FAM193A: variants seen among roughly 807,000 people sequenced by gnomAD.
FAM193A encodes family with sequence similarity 193 member A.
A neutral mutation model predicts 126.5 loss-of-function variants in FAM193A; 22 were observed. That is an observed-to-expected ratio of 0.17 (90% confidence interval 0.12 to 0.25). The LOEUF (loss-of-function observed/expected upper bound fraction) is 0.25, where lower values mean the gene tolerates loss of function less well. Ranked by LOEUF, FAM193A falls within the 10% of genes least tolerant of loss-of-function variation. FAM193A has a pLI of 1.00. For missense variants in FAM193A, 1,675 were observed against 1,672.8 expected, an observed-to-expected ratio of 1.00 and a Z score of -0.02; for synonymous variants, 761 against 646.8, an observed-to-expected ratio of 1.18 and a Z score of -2.68.
intron 4 of FAM193A, among the ~76,000 whole-genome samples, chr4:2,628,909 G>A (rs1157899719): frequency 2.3e-4 from 35 of 150,114 alleles, no homozygotes; most frequent in Admixed American, 2.3e-3. Context: ...GTGGAGTGCA[G>A]TGGCGCAGTC....
At chr4:2,714,731 TACCATGGA>T (rs1719359171) in intron 19 of FAM193A, among the ~76,000 whole-genome samples, 1 of 152,192 alleles carries the variant, frequency 6.6e-6, no homozygotes, top group African/African-American at 2.4e-5. Flanking sequence ...TGCCTCATGC[TACCATGGA>T]AATTCCCCAG....
chr4:2,558,442 C>T (rs555100485), intron 1 of FAM193A, among the ~76,000 whole-genome samples: 3 of 152,128 alleles, frequency 2.0e-5, no homozygotes, highest in Non-Finnish European at 2.9e-5. Context: ...AGTGCAATTC[C>T]GCCGTCATAG....
chr4:2,639,711 T>C (rs764989559), intron 5 of FAM193A, 24 bp from the exon 6 acceptor site: 2 of 1,599,510 alleles, frequency 1.3e-6, no homozygotes, highest in Non-Finnish European at 1.7e-6. Context: ...ATCTTCTGTT[T>C]ATCTTTTACT....
intron 7 of FAM193A, 79 bp from the exon 8 acceptor site, chr4:2,657,724 C>G: frequency 2.3e-6 from 2 of 860,598 alleles, no homozygotes. Flanking sequence ...AAGAAAGTCT[C>G]CTCTTGAAAA....
chr4:2,538,780 A>G (rs562839229), intron 1 of FAM193A, among the ~76,000 whole-genome samples: 65 of 152,342 alleles, frequency 4.3e-4, no homozygotes, highest in African/African-American at 1.5e-3. Flanking sequence ...TGATTCAATA[A>G]AAACCAGTTG....
chr4:2,638,291 C>G (rs1024709405), intron 5 of FAM193A, among the ~76,000 whole-genome samples: 1 of 152,232 alleles, frequency 6.6e-6, no homozygotes, highest in Non-Finnish European at 1.5e-5. Flanking sequence ...AGGTAGTCTT[C>G]GTGTCCTCGT....
chr4:2,624,592 C>G (rs1019099572), intron 2 of FAM193A, among the ~76,000 whole-genome samples: 5 of 152,182 alleles, frequency 3.3e-5, no homozygotes, highest in East Asian at 1.9e-4. Context: ...CTCAGGCAAC[C>G]GTGGGCATAT....
At chr4:2,608,124 T>C in intron 2 of FAM193A, 3 of 1,605,756 alleles carry the variant, frequency 1.9e-6, no homozygotes, top group East Asian at 2.2e-5. Flanking sequence ...TATATCTCCT[T>C]GTAGATTGAT....
chr4:2,684,727 G>A (rs150949165), intron 13 of FAM193A, among the ~76,000 whole-genome samples: 1 of 152,164 alleles, frequency 6.6e-6, no homozygotes, highest in Non-Finnish European at 1.5e-5. Context: ...GTGTACGGCT[G>A]TTCCTTCCCC....
intron 7 of FAM193A, chr4:2,655,094 G>A (rs1711526339): frequency 7.1e-6 from 5 of 700,600 alleles, no homozygotes; most frequent in Non-Finnish European, 1.3e-5. Flanking sequence ...CATTGATACT[G>A]GCACCCTTGT....
intron 1 of FAM193A, among the ~76,000 whole-genome samples, chr4:2,543,144 C>T (rs1737335633): frequency 6.6e-6 from 1 of 151,220 alleles, no homozygotes; most frequent in South Asian, 2.1e-4. Context: ...CTGGAGTGCC[C>T]TGGCGCAATC....
intron 2 of FAM193A, among the ~76,000 whole-genome samples, chr4:2,608,450 T>G (rs1460762217): frequency 3.3e-5 from 5 of 152,110 alleles, no homozygotes; most frequent in Admixed American, 1.3e-4. Context: ...GGACCTCAGA[T>G]GATCTGCCTG....
At chr4:2,677,065 A>C (rs1168234688) in intron 13 of FAM193A, among the ~76,000 whole-genome samples, 1 of 152,110 alleles carries the variant, frequency 6.6e-6, no homozygotes. Flanking sequence ...GTTCTCTCCT[A>C]AGAGTTTTGT....
rs1479546324 is a variant in FAM193A at position 2,552,081 on chromosome 4, G to A, written c.255+14911G>A. Reference sequence around the variant, plus strand: ...GCCTGGAGTGCAGTGGCTGGATCTCGGCTCACTGCAAGCTCCGCCTCCTGG... The same window carrying A: ...GCCTGGAGTGCAGTGGCTGGATCTCAGCTCACTGCAAGCTCCGCCTCCTGG... On this transcript the variant is annotated intron_variant, in intron 1 of 20. Coordinates refer to ENST00000637812, the MANE Select transcript of FAM193A (RefSeq NM_001366318.2). Among the ~76,000 whole-genome samples, 16 of 144,716 alleles carry A rather than the reference G, an allele frequency of 1.1e-4. 1 individual carries two copies. In the South Asian group the frequency reaches 3.1e-3, roughly 28 times the overall value. 94.9% of individuals were successfully genotyped at this position (144,716 alleles called of 152,430 possible). A position where few individuals can be genotyped will look rare whatever the true frequency, so the allele number is the denominator to read the frequency against.
At chr4:2,559,963 T>G (rs751278704) in intron 1 of FAM193A, among the ~76,000 whole-genome samples, 5 of 149,906 alleles carry the variant, frequency 3.3e-5, no homozygotes, top group Non-Finnish European at 7.4e-5. Context: ...TTTTCTTTTT[T>G]CCTTTTTTTT....
chr4:2,691,490 G>A (rs1716372359), intron 15 of FAM193A, among the ~76,000 whole-genome samples: 2 of 152,178 alleles, frequency 1.3e-5, no homozygotes, highest in African/African-American at 4.8e-5. Context: ...TTAGGAAAAT[G>A]CTGAGCAGAT....
rs1026721762 is a variant in FAM193A, at chr4:2,578,676, T to C, written c.256-17408T>C. 3.9e-5 allele frequency among the ~76,000 whole-genome samples: 6 copies of C among 152,322 alleles called. No individual in the cohort carries two copies. In the South Asian group the frequency reaches 8.3e-4, roughly 21 times the overall value. On this transcript the variant is annotated intron_variant, in intron 1 of 20. Transcript: ENST00000637812. ...AAAACCTTAACTACTAATAGCCTAC[T>C]GTTGACCAGAAGTCTTACCAATACT...
At chr4:2,617,910 T>C (rs1196762496) in intron 2 of FAM193A, among the ~76,000 whole-genome samples, 11 of 152,180 alleles carry the variant, frequency 7.2e-5, no homozygotes, top group Non-Finnish European at 1.6e-4. Context: ...CATTCCTTTG[T>C]GTAGATCCAC....
chr4:2,600,025 G>T (rs929075144), intron 2 of FAM193A, among the ~76,000 whole-genome samples: 2 of 152,054 alleles, frequency 1.3e-5, no homozygotes, highest in African/African-American at 4.8e-5. Context: ...TCAGCCTCCC[G>T]AGTACCGGGG....
Sources: gnomAD v4.1 joint callset for allele counts (sites outside exome capture counted in the v4.1 genomes callset) on GRCh38, gnomAD v4.1.1 for gene constraint, MANE v1.5 for transcripts, NCBI Gene and HGNC (gene_info 2026-07-23, HGNC 2026-07-21) for gene names.